Variants in CDKAL1 observed in about 807,000 individuals in gnomAD.
The protein encoded by CDKAL1 is threonylcarbamoyladenosine tRNA methylthiotransferase.
Under a neutral mutation model 68.2 loss-of-function variants are expected in CDKAL1, and 32 were observed. That is an observed-to-expected ratio of 0.47 (90% confidence interval 0.35 to 0.63). CDKAL1 has a LOEUF of 0.63. CDKAL1 is among the 30% of genes least tolerant of loss of function. The pLI, the probability that CDKAL1 is intolerant of heterozygous loss-of-function variation, is 0.00. For synonymous variants in CDKAL1, 234 were observed against 244.3 expected (o/e 0.96, Z 0.39); for missense variants, 606 against 696.7 (o/e 0.87, Z 1.47).
intron 4 of CDKAL1, among the ~76,000 whole-genome samples, chr6:20,636,332 A>C (rs1767903446): frequency 6.6e-6 from 1 of 152,060 alleles, no homozygotes; most frequent in African/African-American, 2.4e-5. Flanking sequence ...TGGATCTTCT[A>C]TTGCCATGTA....
chr6:21,108,197 T>C (rs1773941982), intron 12 of CDKAL1, among the ~76,000 whole-genome samples: 1 of 151,772 alleles, frequency 6.6e-6, no homozygotes, highest in African/African-American at 2.4e-5. Context: ...TGCTCTGTGA[T>C]AATGACCCAC....
intron 13 of CDKAL1, among the ~76,000 whole-genome samples, chr6:21,136,284 C>G (rs974528073): frequency 6.6e-6 from 1 of 152,162 alleles, no homozygotes; most frequent in African/African-American, 2.4e-5. Flanking sequence ...TTAAAACTCT[C>G]ATTCATTTAT....
chr6:20,939,446 A>G (rs1173628290), intron 9 of CDKAL1, among the ~76,000 whole-genome samples: 3 of 152,226 alleles, frequency 2.0e-5, no homozygotes, highest in African/African-American at 4.8e-5. Flanking sequence ...AGAGTTTTGT[A>G]GAATATTTAA....
At chr6:20,694,029 C>A (rs1054551825) in intron 5 of CDKAL1, among the ~76,000 whole-genome samples, 1 of 147,330 alleles carries the variant, frequency 6.8e-6, no homozygotes, top group African/African-American at 2.6e-5. Flanking sequence ...CACACTAACA[C>A]ACCCGGCTAA....
intron 13 of CDKAL1, among the ~76,000 whole-genome samples, chr6:21,139,438 C>T (rs1775788855): frequency 1.3e-5 from 2 of 152,210 alleles, no homozygotes; most frequent in South Asian, 4.1e-4. Context: ...CCAGGAAAGA[C>T]TTAAAGAGCA....
At chr6:20,603,775 T>TA (rs1766211548) in intron 4 of CDKAL1, among the ~76,000 whole-genome samples, 1 of 122,498 alleles carries the variant, frequency 8.2e-6, no homozygotes. Context: ...TAAATTTTTT[T>TA]TTTTTTTTTT....
At chr6:20,656,237 C>G (rs1044920077) in intron 5 of CDKAL1, among the ~76,000 whole-genome samples, 1 of 152,066 alleles carries the variant, frequency 6.6e-6, no homozygotes, top group African/African-American at 2.4e-5. Context: ...AGGCAGATAT[C>G]AAAGAGGTCA....
chr6:21,156,813 T>C lies in CDKAL1; in HGVS notation c.1300-41208T>C, dbSNP rs149796841. Among the ~76,000 whole-genome samples the C allele has an allele frequency of 4.3e-3, 652 of 152,254 alleles. 6 individuals are homozygous for C. The highest frequency in any genetic ancestry group is 0.015 in the African/African-American group (607 of 41,564). The stretch of plus-strand genomic sequence containing the variant: ...GAGATCCCTAGGAGCAAGACTGGTG[T>C]GCATGCTGCTGTGGTTGCTTTGGCA... On this transcript the variant is annotated intron_variant, in intron 13 of 15. Transcript: ENST00000274695.
intron 13 of CDKAL1, among the ~76,000 whole-genome samples, chr6:21,168,832 C>A (rs771354156): frequency 2.0e-5 from 3 of 152,132 alleles, no homozygotes; most frequent in African/African-American, 7.2e-5. Context: ...GCTTTTAATT[C>A]GCATCTATCT....
intron 5 of CDKAL1, among the ~76,000 whole-genome samples, chr6:20,738,942 A>G (rs759933911): frequency 6.6e-6 from 1 of 152,188 alleles, no homozygotes; most frequent in Non-Finnish European, 1.5e-5. Context: ...ATATGCTTGC[A>G]TATGTGAGGG....
intron 11 of CDKAL1, among the ~76,000 whole-genome samples, chr6:21,026,414 T>A (rs888740956): frequency 6.6e-6 from 1 of 152,188 alleles, no homozygotes; most frequent in Non-Finnish European, 1.5e-5. Flanking sequence ...AAACGGATTT[T>A]ATCTCTTTAG....
At chr6:20,930,738 T>C (rs1036405065) in intron 9 of CDKAL1, among the ~76,000 whole-genome samples, 2 of 123,646 alleles carry the variant, frequency 1.6e-5, no homozygotes, top group East Asian at 2.6e-4. Flanking sequence ...GGTACAGGTA[T>C]TATGTGTATT....
intron 9 of CDKAL1, among the ~76,000 whole-genome samples, chr6:20,935,616 G>A (rs1406099648): frequency 1.3e-5 from 2 of 152,056 alleles, no homozygotes; most frequent in African/African-American, 4.8e-5. Context: ...TTTTAGTAGA[G>A]ACAGGGTTTT....
At chr6:21,008,538 G>T (rs1376791417) in intron 11 of CDKAL1, among the ~76,000 whole-genome samples, 1 of 152,122 alleles carries the variant, frequency 6.6e-6, no homozygotes, top group Non-Finnish European at 1.5e-5. Context: ...ACTGGGCTGG[G>T]GGCTCTGGAG....
chr6:20,945,177 C>A (rs1425405974), intron 9 of CDKAL1, among the ~76,000 whole-genome samples: 1 of 152,042 alleles, frequency 6.6e-6, no homozygotes, highest in Non-Finnish European at 1.5e-5. Flanking sequence ...TTTTAACTAA[C>A]CCCTTTTGAG....
intron 4 of CDKAL1, among the ~76,000 whole-genome samples, chr6:20,576,962 G>T (rs1379483850): frequency 6.6e-6 from 1 of 152,120 alleles, no homozygotes; most frequent in Non-Finnish European, 1.5e-5. Context: ...GTTGAAATAT[G>T]TTCTCCATAC....
At chr6:21,181,026 T>C (rs887475939) in intron 13 of CDKAL1, among the ~76,000 whole-genome samples, 2 of 152,172 alleles carry the variant, frequency 1.3e-5, no homozygotes, top group Non-Finnish European at 2.9e-5. Context: ...AGAGAGATCA[T>C]GTGGTGAAGA....
intron 8 of CDKAL1, among the ~76,000 whole-genome samples, chr6:20,821,887 G>A (rs1561806171): frequency 1.3e-5 from 2 of 152,110 alleles, no homozygotes; most frequent in Non-Finnish European, 2.9e-5. Flanking sequence ...GCAGTAAAGG[G>A]CTACATTTTA....
chr6:20,626,356 C>T (rs902474790), intron 4 of CDKAL1, among the ~76,000 whole-genome samples: 21 of 151,966 alleles, frequency 1.4e-4, no homozygotes, highest in Non-Finnish European at 1.8e-4. Context: ...TCTGTTTTCC[C>T]AGCACATAGT....
Sources: allele counts gnomAD v4.1 joint callset (sites outside exome capture counted in the v4.1 genomes callset), GRCh38; gene constraint gnomAD v4.1.1; transcripts MANE v1.5; gene names NCBI Gene and HGNC (gene_info 2026-07-23, HGNC 2026-07-21).